MOB1B: variants seen among roughly 807,000 people sequenced by gnomAD.
The protein encoded by MOB1B is MOB kinase activator 1B.
MOB1B carries 19 observed loss-of-function variants against 24.4 expected under a neutral mutation model. The ratio of observed to expected loss-of-function variants is 0.78; its 90% CI spans 0.54 to 1.14. The LOEUF is 1.14. MOB1B is among the 50% of genes most tolerant of loss of function. The pLI, the probability that MOB1B is intolerant of heterozygous loss-of-function variation, is 0.00. For missense variants in MOB1B, 243 were observed against 259.6 expected (o/e 0.94, Z 0.44); for synonymous variants, 76 against 82.1 (o/e 0.93, Z 0.40).
chr4:70,929,746 C>T (rs1025773652), intron 1 of MOB1B, among the ~76,000 whole-genome samples: 6 of 151,538 alleles, frequency 4.0e-5, no homozygotes, highest in Non-Finnish European at 7.4e-5. Context: ...CCTGGGTTTA[C>T]GCCATTCTCC....
At chr4:70,910,980 G>C (rs924020503) in intron 1 of MOB1B, among the ~76,000 whole-genome samples, 2 of 152,130 alleles carry the variant, frequency 1.3e-5, no homozygotes, top group Non-Finnish European at 2.9e-5. Context: ...TATGGATGGG[G>C]TTTCACCATA....
intron 1 of MOB1B, among the ~76,000 whole-genome samples, chr4:70,911,005 C>G (rs145274882): frequency 0.042 from 6,347 of 152,316 alleles, 173 homozygotes; most frequent in Non-Finnish European, 0.064. Context: ...CCAGGCTGTT[C>G]TGGAACTCCT....
intron 1 of MOB1B, among the ~76,000 whole-genome samples, chr4:70,923,965 C>CA (rs5859245): frequency 0.85 from 108,365 of 127,812 alleles, 47,132 homozygotes; most frequent in Non-Finnish European, 0.95. Context: ...AAATTAGACT[C>CA]AAAAAAAAAA....
At chr4:70,951,044 C>G (rs771166619) in intron 1 of MOB1B, among the ~76,000 whole-genome samples, 1 of 152,068 alleles carries the variant, frequency 6.6e-6, no homozygotes, top group Non-Finnish European at 1.5e-5. Context: ...ATTTGTAACA[C>G]AAATCATTTA....
At chr4:70,902,872 C>G (rs574297148) in intron 1 of MOB1B, among the ~76,000 whole-genome samples, 2 of 152,310 alleles carry the variant, frequency 1.3e-5, no homozygotes, top group African/African-American at 4.8e-5. Flanking sequence ...CTTGTTTGTG[C>G]GCTTCTCGTG....
chr4:70,929,630 G>A (rs1041591264), intron 1 of MOB1B, among the ~76,000 whole-genome samples: 1 of 150,978 alleles, frequency 6.6e-6, no homozygotes, highest in Admixed American at 6.6e-5. Flanking sequence ...ACAGGTACAC[G>A]TCACCACACC....
At chr4:70,929,286 C>G (rs1736784596) in intron 1 of MOB1B, among the ~76,000 whole-genome samples, 1 of 145,356 alleles carries the variant, frequency 6.9e-6, no homozygotes, top group South Asian at 2.2e-4. Context: ...TCAAGTGTTT[C>G]TCCTGCATTA....
chr4:70,919,596 T>C (rs113217811), intron 1 of MOB1B, among the ~76,000 whole-genome samples: 1 of 152,106 alleles, frequency 6.6e-6, no homozygotes, highest in African/African-American at 2.4e-5. Flanking sequence ...CCTCCCGGGT[T>C]CAAGTGACTC....
intron 1 of MOB1B, among the ~76,000 whole-genome samples, chr4:70,913,249 C>T (rs903512100): frequency 1.4e-4 from 21 of 151,478 alleles, no homozygotes; most frequent in African/African-American, 4.4e-4. Flanking sequence ...TTCTTATGTA[C>T]GTTTGTATGG....
intron 1 of MOB1B, among the ~76,000 whole-genome samples, chr4:70,921,902 CG>C (rs1313789737): frequency 1.3e-5 from 2 of 152,140 alleles, no homozygotes; most frequent in Non-Finnish European, 2.9e-5. Flanking sequence ...AATTCTCTAT[CG>C]GGTTTTAAAG....
At chr4:70,957,783 G>A (rs1336108315) in intron 1 of MOB1B, among the ~76,000 whole-genome samples, 1 of 149,682 alleles carries the variant, frequency 6.7e-6, no homozygotes, top group Non-Finnish European at 1.5e-5. Context: ...AAGAGATGGG[G>A]GTCTTGCTAT....
chr4:70,951,728 T>C (rs964011481), intron 1 of MOB1B, among the ~76,000 whole-genome samples: 1 of 152,122 alleles, frequency 6.6e-6, no homozygotes, highest in Non-Finnish European at 1.5e-5. Context: ...TGAGACCTCA[T>C]CTCTAATAAA....
chr4:70,922,255 A>G (rs998985198), intron 1 of MOB1B, among the ~76,000 whole-genome samples: 1 of 152,260 alleles, frequency 6.6e-6, no homozygotes, highest in Non-Finnish European at 1.5e-5. Context: ...ACCATTTCTT[A>G]GTTGAAGATG....
intron 1 of MOB1B, among the ~76,000 whole-genome samples, chr4:70,952,059 A>T (rs1331025763): frequency 6.6e-6 from 1 of 152,198 alleles, no homozygotes; most frequent in African/African-American, 2.4e-5. Context: ...TATAAAATTT[A>T]AAAATGTAAC....
rs1160365472 is a variant in MOB1B at position 70,935,874 on chromosome 4, C to T, written c.15-23000C>T. 7.7e-5 allele frequency among the ~76,000 whole-genome samples: 8 copies of T among 104,316 alleles called. No homozygotes were observed. The East Asian group carries it at 9.0e-4, about 12-fold the overall frequency. The allele number at this position is 104,316 out of a possible 152,430, so 68.4% of individuals were successfully genotyped here. A position where few individuals can be genotyped will look rare whatever the true frequency, so the allele number is the denominator to read the frequency against. On this transcript the variant is annotated intron_variant, in intron 1 of 5. Coordinates refer to ENST00000309395, the MANE Select transcript of MOB1B (RefSeq NM_173468.4). Reference sequence around the variant, plus strand: ...TTTTTTTTTTTTTTTTTTTTTGAGACGGAGTCTCGCTCTGTTGCCCAGGCT... The same window carrying T: ...TTTTTTTTTTTTTTTTTTTTTGAGATGGAGTCTCGCTCTGTTGCCCAGGCT...
chr4:70,974,340 G>A (rs557364094), intron 3 of MOB1B, among the ~76,000 whole-genome samples: 2 of 152,230 alleles, frequency 1.3e-5, no homozygotes, highest in African/African-American at 4.8e-5. Flanking sequence ...CTGACCTCAA[G>A]TGATCCACGT....
chr4:70,916,306 C>T (rs1736190822), intron 1 of MOB1B, among the ~76,000 whole-genome samples: 1 of 152,212 alleles, frequency 6.6e-6, no homozygotes, highest in Non-Finnish European at 1.5e-5. Flanking sequence ...CTCATGGTCA[C>T]ACATTTCTTT....
At chr4:70,947,746 A>T (rs1278538562) in intron 1 of MOB1B, among the ~76,000 whole-genome samples, 1 of 152,104 alleles carries the variant, frequency 6.6e-6, no homozygotes, top group African/African-American at 2.4e-5. Context: ...CCTCCTGAGT[A>T]GCTGGGGCAG....
In MOB1B at chr4:70,982,155, C is replaced by A; in HGVS notation, c.*98C>A. The A allele has an allele frequency of 1.2e-6, 1 of 863,954 alleles. No individual in the cohort carries two copies. The highest frequency in any genetic ancestry group is 1.8e-6 in the Non-Finnish European group (1 of 549,870). The allele number at this position is 863,954 out of a possible 1,614,324, so 53.5% of individuals were successfully genotyped here. On this transcript the variant is annotated 3_prime_UTR_variant, in exon 6 of 6. Coordinates refer to ENST00000309395, the MANE Select transcript of MOB1B (RefSeq NM_173468.4). Reference sequence around the variant, plus strand: ...TGTTTTTATCTGGATTGTTTTTGTCCTAGGTTTGGGGGCGGGGGCTTGTTT... The same window carrying A: ...TGTTTTTATCTGGATTGTTTTTGTCATAGGTTTGGGGGCGGGGGCTTGTTT...
Sources: allele counts gnomAD v4.1 joint callset (sites outside exome capture counted in the v4.1 genomes callset), GRCh38; gene constraint gnomAD v4.1.1; transcripts MANE v1.5; gene names NCBI Gene and HGNC (gene_info 2026-07-23, HGNC 2026-07-21).